CD109: variants seen among roughly 807,000 people sequenced by gnomAD.
CD109 encodes CD109 antigen.
Under a neutral mutation model 165.8 loss-of-function variants are expected in CD109, and 149 were observed. The observed-to-expected ratio is 0.90, with a 90% CI of 0.79 to 1.03. CD109 has a LOEUF of 1.03. Ranked by LOEUF, CD109 falls within the 50% of genes least tolerant of loss-of-function variation. The pLI is 0.00. For missense variants in CD109, 1,712 were observed against 1,677.8 expected (o/e 1.02, Z -0.36); for synonymous variants, 585 against 592.1 (o/e 0.99, Z 0.18).
intron 2 of CD109, among the ~76,000 whole-genome samples, chr6:73,705,750 A>G (rs1015373904): frequency 6.6e-6 from 1 of 152,246 alleles, no homozygotes; most frequent in Non-Finnish European, 1.5e-5. Context: ...TTAATAGTTA[A>G]TAATCAATTC....
chr6:73,679,372 G>A, the CD109 span, among the ~76,000 whole-genome samples: 4 of 151,598 alleles, frequency 2.6e-5, no homozygotes, highest in Non-Finnish European at 4.4e-5. Context: ...AATCACCATT[G>A]TTAATATAAA....
At chr6:73,744,015 G>A (rs1772885952) in intron 5 of CD109, among the ~76,000 whole-genome samples, 1 of 152,166 alleles carries the variant, frequency 6.6e-6, no homozygotes, top group Non-Finnish European at 1.5e-5. Flanking sequence ...ATTAATCAGT[G>A]TAGCGTTATT....
chr6:73,761,202 C>G (rs1171053496), intron 7 of CD109, among the ~76,000 whole-genome samples: 1 of 152,164 alleles, frequency 6.6e-6, no homozygotes, highest in African/African-American at 2.4e-5. Flanking sequence ...ATAAACCTTC[C>G]TCGCTAATAT....
rs1158032614 is a variant in CD109 at position 73,810,061 on chromosome 6, G to A, written c.3433G>A (p.Ala1145Thr). ...WQPRSLDIEV[A>T]AYALLSHFLQ... ...GCCACGCTCCCTGGATATTGAAGTT[G>A]CAGCCTATGCACTGCTCTCACACTT... Residue 1145 changes from alanine (A) to threonine (T), a missense_variant, in exon 27 of 33, where the codon GCA becomes ACA. Physicochemically the swap from Ala to Thr is moderately conservative, Grantham distance 58 (BLOSUM62 0). Coordinates refer to ENST00000287097, the MANE Select transcript of CD109 (RefSeq NM_133493.5). 6.2e-7 allele frequency: 1 copy of A among 1,607,228 alleles called. No homozygotes were observed. The highest frequency in any genetic ancestry group is 1.3e-5 in the African/African-American group (1 of 74,380).
intron 5 of CD109, among the ~76,000 whole-genome samples, chr6:73,749,253 G>A (rs1433621763): frequency 6.6e-6 from 1 of 152,182 alleles, no homozygotes; most frequent in Non-Finnish European, 1.5e-5. Context: ...CTAGTTAAGT[G>A]ATGGTGGGCA....
At chr6:73,734,926 A>G (rs1048789213) in intron 4 of CD109, among the ~76,000 whole-genome samples, 3 of 152,226 alleles carry the variant, frequency 2.0e-5, no homozygotes, top group African/African-American at 7.2e-5. Flanking sequence ...TAACAAAAAT[A>G]TGTATTCAAG....
chr6:73,750,968 A>T (rs1337609426), intron 5 of CD109, among the ~76,000 whole-genome samples: 1 of 148,148 alleles, frequency 6.8e-6, no homozygotes, highest in Non-Finnish European at 1.5e-5. Flanking sequence ...CACAGTCTAC[A>T]TTCAGTAATT....
intron 6 of CD109, among the ~76,000 whole-genome samples, chr6:73,757,920 A>G (rs1482282921): frequency 3.3e-5 from 5 of 152,168 alleles, no homozygotes; most frequent in Non-Finnish European, 7.4e-5. Flanking sequence ...TTTATAGGCT[A>G]TCTTTATATC....
intron 5 of CD109, among the ~76,000 whole-genome samples, chr6:73,741,951 A>C (rs1229346886): frequency 2.6e-5 from 4 of 152,224 alleles, no homozygotes; most frequent in Non-Finnish European, 4.4e-5. Flanking sequence ...GATTACAGGC[A>C]TGAGCCACTG....
chr6:73,791,148 T>C (rs1350011299), intron 22 of CD109, among the ~76,000 whole-genome samples: 40 of 31,806 alleles, frequency 1.3e-3, no homozygotes, highest in East Asian at 7.2e-3. Context: ...TATATATATA[T>C]ATATATATAT....
chr6:73,821,978 G>A (rs1407653187), intron 32 of CD109, among the ~76,000 whole-genome samples: 1 of 152,188 alleles, frequency 6.6e-6, no homozygotes, highest in Non-Finnish European at 1.5e-5. Flanking sequence ...TCTTTATTGA[G>A]GGAGTCTGGT....
At chr6:73,687,638 TC>T in the CD109 span, among the ~76,000 whole-genome samples, 1 of 152,122 alleles carries the variant, frequency 6.6e-6, no homozygotes, top group Admixed American at 6.6e-5. Flanking sequence ...CCATATCCTT[TC>T]CCACATAATT....
intron 24 of CD109, among the ~76,000 whole-genome samples, chr6:73,806,101 T>C (rs995963452): frequency 6.6e-6 from 1 of 152,102 alleles, no homozygotes; most frequent in African/African-American, 2.4e-5. Flanking sequence ...AGCAAAGACT[T>C]GGAACCAGCC....
intron 4 of CD109, among the ~76,000 whole-genome samples, chr6:73,736,100 G>A (rs1271572148): frequency 2.0e-5 from 3 of 152,046 alleles, no homozygotes; most frequent in Non-Finnish European, 2.9e-5. Context: ...TAGAGCCTAC[G>A]TTTTCCAAAA....
chr6:73,733,280 G>A (rs376695879), intron 4 of CD109, among the ~76,000 whole-genome samples: 3 of 152,198 alleles, frequency 2.0e-5, no homozygotes, highest in Non-Finnish European at 2.9e-5. Flanking sequence ...GCAGGCTGAT[G>A]TGGAGAAGTG....
At chr6:73,685,165 G>C in the CD109 span, among the ~76,000 whole-genome samples, 1 of 152,038 alleles carries the variant, frequency 6.6e-6, no homozygotes, top group South Asian at 2.1e-4. Context: ...GCCTCCCAAA[G>C]TGCTGGGATT....
Position 73,788,614 on chromosome 6 carries a change from T to C in CD109, c.2701+2T>C. 1 of 1,610,172 alleles carries C rather than the reference T, an allele frequency of 6.2e-7. No individual in the cohort carries two copies. The highest frequency in any genetic ancestry group is 2.2e-5 in the East Asian group (1 of 44,800). On this transcript the variant is annotated splice_donor_variant, in intron 22 of 32. Transcript: ENST00000287097. LOFTEE classifies it high-confidence loss of function. ...AAAGAGTTCAGATCACTGCAATTGG[T>C]AAGAATAGAGTATATCACCATCTAT...
chr6:73,812,371 T>C, intron 29 of CD109, 101 bp downstream of exon 29: 1 of 738,866 alleles, frequency 1.4e-6, no homozygotes, highest in Non-Finnish European at 2.2e-6. Context: ...ATATAATTCC[T>C]AATGATTTAC....
intron 5 of CD109, among the ~76,000 whole-genome samples, chr6:73,750,390 A>C (rs1204474062): frequency 2.6e-5 from 4 of 152,156 alleles, no homozygotes; most frequent in African/African-American, 9.7e-5. Flanking sequence ...AGAGAAAAGC[A>C]AGCAAGTTCA....
Sources: gnomAD v4.1 joint callset for allele counts (sites outside exome capture counted in the v4.1 genomes callset) on GRCh38, gnomAD v4.1.1 for gene constraint, MANE v1.5 for transcripts, NCBI Gene and HGNC (gene_info 2026-07-23, HGNC 2026-07-21) for gene names.